Variants in JAM3 observed in about 807,000 individuals in gnomAD.
The protein encoded by JAM3 is junctional adhesion molecule 3.
In JAM3, 31 loss-of-function variants were observed where a neutral mutation model predicts 39.4. That is an observed-to-expected ratio of 0.79 (90% CI 0.59 to 1.06). JAM3 has a LOEUF of 1.06. Among genes scored for constraint, JAM3 ranks in the 50% least tolerant of loss-of-function variants. The pLI, the probability that JAM3 is intolerant of heterozygous loss-of-function variation, is 0.00. For synonymous variants in JAM3, 182 were observed against 148.7 expected (o/e 1.22, Z -1.63); for missense variants, 455 against 391.4 (o/e 1.16, Z -1.37).
rs1943029010 is a variant in JAM3 at position 134,144,266 on chromosome 11, A to T, written c.282A>T (p.Ile94=). 1 of 1,614,104 alleles carries T rather than the reference A, an allele frequency of 6.2e-7. No individual in the cohort carries two copies. Among genetic ancestry groups the T allele is most frequent in the African/African-American group, 1.3e-5 (1 of 74,946 alleles). The change falls in exon 4 of 9, where the codon ATA becomes ATT. Residue 94 remains isoleucine (I), a synonymous_variant. Coordinates refer to ENST00000299106, the MANE Select transcript of JAM3 (RefSeq NM_032801.5). ...GAGACTTGGCGGGTCGTGCAGAAAT[A>T]CTGGGGAAGACATCCCTGAAGATCT... ...IQGDLAGRAE[I]LGKTSLKIWN...
Position 134,135,117 on chromosome 11 carries a change from A to G in JAM3, c.77-4734A>G, listed in dbSNP as rs367746744. ...TCTCTATGCGTTCTTCCAAAATTTT[A>G]TAGTTTTAGCTCTTAAATTTAATAG... On this transcript the variant is annotated intron_variant, in intron 1 of 8. Coordinates refer to ENST00000299106, the MANE Select transcript of JAM3 (RefSeq NM_032801.5). 3.7e-4 allele frequency among the ~76,000 whole-genome samples: 57 copies of G among 152,222 alleles called. 1 individual carries two copies. The highest frequency in any genetic ancestry group is 1.2e-3 in the African/African-American group (50 of 41,552).
chr11:134,122,045 T>C (rs919593019), intron 1 of JAM3, among the ~76,000 whole-genome samples: 1 of 152,234 alleles, frequency 6.6e-6, no homozygotes, highest in Non-Finnish European at 1.5e-5. Flanking sequence ...TTTTTACTTT[T>C]AAGTCCCAGA....
chr11:134,123,341 A>C (rs1261577289), intron 1 of JAM3, among the ~76,000 whole-genome samples: 2 of 152,242 alleles, frequency 1.3e-5, no homozygotes, highest in East Asian at 3.9e-4. Flanking sequence ...AGGGACATGT[A>C]GGAGAGGAAG....
intron 1 of JAM3, among the ~76,000 whole-genome samples, chr11:134,077,984 A>G (rs983551879): frequency 2.6e-5 from 4 of 151,922 alleles, no homozygotes; most frequent in African/African-American, 9.7e-5. Flanking sequence ...GCAGCCTTCC[A>G]CTGAGTGACA....
intron 1 of JAM3, among the ~76,000 whole-genome samples, chr11:134,114,784 A>G (rs1451411067): frequency 6.6e-6 from 1 of 152,188 alleles, no homozygotes; most frequent in Non-Finnish European, 1.5e-5. Context: ...ACCTTGGTAA[A>G]TGTCCCATTT....
intron 1 of JAM3, among the ~76,000 whole-genome samples, chr11:134,108,434 A>G (rs187248461): frequency 1.1e-3 from 174 of 152,350 alleles, no homozygotes; most frequent in African/African-American, 3.8e-3. Flanking sequence ...AAAGTATTCT[A>G]TGAGGCCAGA....
chr11:134,099,961 C>G (rs964159310), intron 1 of JAM3, among the ~76,000 whole-genome samples: 1 of 152,144 alleles, frequency 6.6e-6, no homozygotes, highest in South Asian at 2.1e-4. Context: ...GGAGATTTTC[C>G]AATAATGTCA....
chr11:134,086,373 T>A (rs1941745763), intron 1 of JAM3, among the ~76,000 whole-genome samples: 1 of 151,922 alleles, frequency 6.6e-6, no homozygotes, highest in Admixed American at 6.6e-5. Context: ...ATTGGAAAAA[T>A]ATTTTATCTA....
At chr11:134,140,188 C>T (rs1942948732) in intron 2 of JAM3, among the ~76,000 whole-genome samples, 1 of 152,120 alleles carries the variant, frequency 6.6e-6, no homozygotes, top group Non-Finnish European at 1.5e-5. Context: ...AGTCTCGCTC[C>T]TGTTGCCCAG....
intron 7 of JAM3, 29 bp downstream of exon 7, chr11:134,148,705 A>G (rs757448452): frequency 3.1e-6 from 5 of 1,614,130 alleles, no homozygotes; most frequent in African/African-American, 1.3e-5. Flanking sequence ...AAAAAAGGGA[A>G]GTTCAAGCTG....
chr11:134,137,672 A>C (rs1027835129), intron 1 of JAM3, among the ~76,000 whole-genome samples: 1 of 151,662 alleles, frequency 6.6e-6, no homozygotes, highest in African/African-American at 2.4e-5. Flanking sequence ...GTCTCGTCTA[A>C]GTCGTGGTGC....
At chr11:134,115,777 G>T (rs1249704675) in intron 1 of JAM3, among the ~76,000 whole-genome samples, 2 of 151,990 alleles carry the variant, frequency 1.3e-5, no homozygotes, top group African/African-American at 4.8e-5. Context: ...CACACCTGTA[G>T]TCCCAGCTAC....
chr11:134,140,008 G>A (rs1591805628), intron 2 of JAM3, 92 bp downstream of exon 2: 1 of 1,020,178 alleles, frequency 9.8e-7, no homozygotes, highest in Non-Finnish European at 1.5e-6. Flanking sequence ...GTCTCTGTAA[G>A]TGTGCCAGGG....
Position 134,082,804 on chromosome 11 carries a change from C to T in JAM3, c.76+13645C>T, listed in dbSNP as rs139918156. 5.7e-3 allele frequency among the ~76,000 whole-genome samples: 865 copies of T among 152,246 alleles called. 8 individuals carry two copies. The highest frequency in any genetic ancestry group is 0.02 in the African/African-American group (813 of 41,530). ...TATTTTGGGGGATTTATAACCCCCC[C>T]AGAAGACCATTTATGCACCACCTCA... is the stretch of plus-strand genomic sequence containing the variant. On this transcript the variant is annotated intron_variant, in intron 1 of 8. Coordinates refer to ENST00000299106, the MANE Select transcript of JAM3 (RefSeq NM_032801.5).
chr11:134,145,632 C>T lies in JAM3; in HGVS notation c.613-314C>T, dbSNP rs1247693194. On this transcript the variant is annotated intron_variant, in intron 5 of 8. Coordinates refer to ENST00000299106, the MANE Select transcript of JAM3 (RefSeq NM_032801.5). Reference sequence around the variant, plus strand: ...TCATCAGACAGATTTTAACAGGGTCCTCTGTGTTCATTTTGCCAAAATGTT... The same window carrying T: ...TCATCAGACAGATTTTAACAGGGTCTTCTGTGTTCATTTTGCCAAAATGTT... Among the ~76,000 whole-genome samples, 5 of 152,306 alleles carry T rather than the reference C, an allele frequency of 3.3e-5. No individual in the cohort carries two copies. In the South Asian group the frequency reaches 8.3e-4, roughly 25 times the overall value.
chr11:134,126,718 CT>C (rs1942655136), intron 1 of JAM3, among the ~76,000 whole-genome samples: 1 of 152,142 alleles, frequency 6.6e-6, no homozygotes, highest in Admixed American at 6.6e-5. Flanking sequence ...TCAGGTCTTC[CT>C]GTGTAGAAAA....
chr11:134,145,408 A>T, intron 5 of JAM3: 1 of 330,842 alleles, frequency 3.0e-6, no homozygotes, highest in South Asian at 2.8e-5. Flanking sequence ...ATACTGAAGT[A>T]TTTATGGATA....
chr11:134,140,640 T>A lies in JAM3; in HGVS notation c.143-17T>A. 5 of 1,605,970 alleles carry A rather than the reference T, an allele frequency of 3.1e-6. No homozygotes were observed. Among genetic ancestry groups the A allele is most frequent in the Non-Finnish European group, 4.3e-6 (5 of 1,172,656 alleles). ...CTCCACATTCACCGAGAGCTCTTTT[T>A]CTTCTTTGCGTGTTAGGTGTGGAAC... On this transcript the variant is annotated splice_polypyrimidine_tract_variant and intron_variant, in intron 2 of 8. Coordinates refer to ENST00000299106, the MANE Select transcript of JAM3 (RefSeq NM_032801.5).
chr11:134,093,188 C>T (rs890069486), intron 1 of JAM3, among the ~76,000 whole-genome samples: 1 of 131,908 alleles, frequency 7.6e-6, no homozygotes, highest in Non-Finnish European at 1.6e-5. Context: ...CTCCTGAACC[C>T]TCCTTATTCA....
Sources: gnomAD v4.1 joint callset for allele counts (sites outside exome capture counted in the v4.1 genomes callset) on GRCh38, gnomAD v4.1.1 for gene constraint, MANE v1.5 for transcripts, NCBI Gene and HGNC (gene_info 2026-07-23, HGNC 2026-07-21) for gene names.